Variants in DSCAM observed in about 807,000 individuals in gnomAD.
DSCAM encodes cell adhesion molecule DSCAM.
In DSCAM, 47 loss-of-function variants were observed where a neutral mutation model predicts 217.7. The observed-to-expected ratio is 0.22, with a 90% CI of 0.17 to 0.28. The LOEUF is 0.28. Among genes scored for constraint, DSCAM ranks in the 10% least tolerant of loss-of-function variants. The probability of loss-of-function intolerance (pLI) is 1.00; values close to 1 mark genes in which losing one functional copy is unlikely to be tolerated. For missense variants in DSCAM, 2,080 were observed against 2,618.3 expected (o/e 0.79, Z 4.49); for synonymous variants, 1,056 against 1,015.3 (o/e 1.04, Z -0.76).
At chr21:40,571,127 G>A (rs2076803261) in intron 3 of DSCAM, among the ~76,000 whole-genome samples, 3 of 151,408 alleles carry the variant, frequency 2.0e-5, no homozygotes, top group Admixed American at 1.3e-4. Flanking sequence ...AAAGTAGCAA[G>A]AAAAAATAGC....
At chr21:40,017,693 A>C (rs903978721) in intron 32 of DSCAM, among the ~76,000 whole-genome samples, 1 of 152,014 alleles carries the variant, frequency 6.6e-6, no homozygotes, top group Admixed American at 6.6e-5. Flanking sequence ...CTGGGATTAC[A>C]GGCATGCACC....
rs780829574 is a variant in DSCAM, at chr21:40,511,990, C to CAAAAAAA, written c.509-142752_509-142746dup. 6.3e-3 allele frequency among the ~76,000 whole-genome samples: 169 copies of CAAAAAAA among 26,748 alleles called. 5 individuals carry two copies. The highest frequency in any genetic ancestry group is 0.015 in the African/African-American group (79 of 5,436). 17.5% of individuals were successfully genotyped at this position (26,748 alleles called of 152,430 possible). A position where few individuals can be genotyped will look rare whatever the true frequency, so the allele number is the denominator to read the frequency against. On this transcript the variant is annotated intron_variant, in intron 3 of 32. Coordinates refer to ENST00000400454, the MANE Select transcript of DSCAM (RefSeq NM_001389.5). ...TGGGCGACAGAGTGAGACTCTGTCT[C>CAAAAAAA]AAAAAAAAAAAAAAAAAAAAGTATT...
In DSCAM at chr21:40,842,988, G is replaced by A. The variant is rs555450389; in HGVS notation, c.43+3631C>T. 3.6e-4 allele frequency among the ~76,000 whole-genome samples: 55 copies of A among 152,292 alleles called. No homozygotes were observed. The South Asian group carries it at 5.4e-3, about 15-fold the overall frequency. The stretch of plus-strand genomic sequence containing the variant: ...TAGGTGAACCCTGAGATTATGGATA[G>A]CTTTTTAATCTGTTTAATAAAGATG... On this transcript the variant is annotated intron_variant, in intron 1 of 32. Coordinates refer to ENST00000400454, the MANE Select transcript of DSCAM (RefSeq NM_001389.5).
At chr21:40,365,125 T>A (rs150052287) in intron 4 of DSCAM, among the ~76,000 whole-genome samples, 1 of 152,032 alleles carries the variant, frequency 6.6e-6, no homozygotes, top group African/African-American at 2.4e-5. Flanking sequence ...CTTAATTGGA[T>A]TGAAGGATGC....
At chr21:40,719,058 G>T (rs2090873485) in intron 1 of DSCAM, among the ~76,000 whole-genome samples, 1 of 152,126 alleles carries the variant, frequency 6.6e-6, no homozygotes, top group South Asian at 2.1e-4. Flanking sequence ...GGAAGTTGCA[G>T]TGAGCCGAGA....
At chr21:40,306,327 T>A (rs1230453862) in intron 9 of DSCAM, among the ~76,000 whole-genome samples, 1 of 150,770 alleles carries the variant, frequency 6.6e-6, no homozygotes, top group Non-Finnish European at 1.5e-5. Context: ...GCTTATCAGC[T>A]TAAGAAGATT....
chr21:40,219,488 G>C (rs1041835351), intron 11 of DSCAM, among the ~76,000 whole-genome samples: 2 of 152,122 alleles, frequency 1.3e-5, no homozygotes, highest in Admixed American at 6.5e-5. Flanking sequence ...ACTTCATTAA[G>C]CTATTTAGAG....
chr21:40,275,171 A>AAT (rs2073670726), intron 11 of DSCAM, among the ~76,000 whole-genome samples: 1 of 145,166 alleles, frequency 6.9e-6, no homozygotes. Context: ...ATAAAAAATT[A>AAT]AAAAAAAAAA....
In DSCAM at chr21:40,682,660, AGCG is replaced by A. The variant is rs1568981547; in HGVS notation, c.508+10147_508+10149del. On this transcript the variant is annotated intron_variant, in intron 3 of 32. Coordinates refer to ENST00000400454, the MANE Select transcript of DSCAM (RefSeq NM_001389.5). Reference sequence around the variant, plus strand: ...AAGAAAGAGGAAGGGAAGGGAAGGGAGCGGAGGGGGAGGGGAGGGGAGGGGAAG... The same window carrying A: ...AAGAAAGAGGAAGGGAAGGGAAGGGAGAGGGGGAGGGGAGGGGAGGGGAAG... Among the ~76,000 whole-genome samples, 115 of 40,800 alleles carry A rather than the reference AGCG, an allele frequency of 2.8e-3. 17 individuals are homozygous for A. Among genetic ancestry groups the A allele is most frequent in the East Asian group, 0.01 (8 of 772 alleles). The allele number at this position is 40,800 out of a possible 152,430, so 26.8% of individuals were successfully genotyped here. A position where few individuals can be genotyped will look rare whatever the true frequency, so the allele number is the denominator to read the frequency against.
At chr21:40,769,232 C>A (rs2091423556) in intron 1 of DSCAM, among the ~76,000 whole-genome samples, 1 of 152,174 alleles carries the variant, frequency 6.6e-6, no homozygotes, top group African/African-American at 2.4e-5. Context: ...CTTGTTCTCT[C>A]ATATTCTTGA....
At chr21:40,186,498 C>T (rs895176042) in intron 14 of DSCAM, among the ~76,000 whole-genome samples, 2 of 152,062 alleles carry the variant, frequency 1.3e-5, no homozygotes, top group African/African-American at 4.8e-5. Context: ...CAAAATGGCC[C>T]GGGCATTGTT....
chr21:40,392,515 G>A (rs989130238), intron 3 of DSCAM, among the ~76,000 whole-genome samples: 12 of 152,180 alleles, frequency 7.9e-5, no homozygotes, highest in African/African-American at 2.9e-4. Context: ...GACGTAGAAA[G>A]TAATAATCAC....
intron 3 of DSCAM, among the ~76,000 whole-genome samples, chr21:40,498,698 G>GGTGT (rs1491058408): frequency 1.9e-3 from 18 of 9,278 alleles, no homozygotes; most frequent in African/African-American, 3.7e-3. Flanking sequence ...TATATATATA[G>GGTGT]ATATATATAT....
chr21:40,691,786 T>C (rs376538085), intron 3 of DSCAM, among the ~76,000 whole-genome samples: 2 of 152,364 alleles, frequency 1.3e-5, no homozygotes, highest in South Asian at 4.1e-4. Flanking sequence ...ATTCCTGTAA[T>C]GTGCTATGAT....
intron 16 of DSCAM, among the ~76,000 whole-genome samples, chr21:40,155,556 G>A (rs1198905157): frequency 5.9e-5 from 9 of 151,922 alleles, no homozygotes; most frequent in Admixed American, 5.2e-4. Flanking sequence ...GGGGCACCCC[G>A]ACTCCAATCT....
intron 3 of DSCAM, among the ~76,000 whole-genome samples, chr21:40,581,253 C>CAGGACTAA (rs1345618413): frequency 3.3e-5 from 5 of 152,176 alleles, no homozygotes; most frequent in South Asian, 4.1e-4. Context: ...TTTTAGTCCC[C>CAGGACTAA]ACCCTCAGGA....
At chr21:40,371,104 T>C (rs1050894561) in intron 3 of DSCAM, among the ~76,000 whole-genome samples, 4 of 152,210 alleles carry the variant, frequency 2.6e-5, no homozygotes, top group Non-Finnish European at 4.4e-5. Context: ...TTTAAAGTAA[T>C]ATCTATATTA....
intron 3 of DSCAM, among the ~76,000 whole-genome samples, chr21:40,606,704 G>A (rs1381903261): frequency 2.0e-5 from 3 of 152,186 alleles, no homozygotes; most frequent in Admixed American, 6.5e-5. Context: ...CAGAGCAAAT[G>A]TACCTTTTAG....
intron 3 of DSCAM, among the ~76,000 whole-genome samples, chr21:40,669,923 AT>A (rs2090252273): frequency 7.0e-6 from 1 of 143,574 alleles, no homozygotes; most frequent in Admixed American, 7.0e-5. Context: ...CTAAGGCTTG[AT>A]TTTTTTCAAC....
Sources: allele counts gnomAD v4.1 joint callset (sites outside exome capture counted in the v4.1 genomes callset), GRCh38; gene constraint gnomAD v4.1.1; transcripts MANE v1.5; gene names NCBI Gene and HGNC (gene_info 2026-07-23, HGNC 2026-07-21).